The following PLEKHG2 variants were observed in gnomAD, a reference collection of about 807,000 sequenced individuals.
PLEKHG2 encodes the protein pleckstrin homology domain-containing family G member 2.
In PLEKHG2, 71 loss-of-function variants were observed where a neutral mutation model predicts 104.4. The ratio of observed to expected loss-of-function variants is 0.68; its 90% confidence interval spans 0.56 to 0.83. The LOEUF is 0.83. PLEKHG2 is among the 40% of genes least tolerant of loss of function. The pLI, the probability that PLEKHG2 is intolerant of heterozygous loss-of-function variation, is 0.00. For missense variants in PLEKHG2, 1,730 were observed against 1,809.4 expected (o/e 0.96, Z 0.80); for synonymous variants, 728 against 737.0 (o/e 0.99, Z 0.20).
intron 11 of PLEKHG2, among the ~76,000 whole-genome samples, 154 bp downstream of exon 11, chr19:39,419,157 C>A (rs2078657590): frequency 6.6e-6 from 1 of 152,218 alleles, no homozygotes; most frequent in African/African-American, 2.4e-5. Context: ...AATCTTAGCT[C>A]TACCATGTCC....
At chr19:39,421,211 GT>G in intron 15 of PLEKHG2, 71 bp from the exon 16 acceptor site, 3 of 1,612,622 alleles carry the variant, frequency 1.9e-6, no homozygotes, top group Non-Finnish European at 2.5e-6. Context: ...CAGCTCATCA[GT>G]TATGGGGGAA....
chr19:39,423,733 G>A lies in PLEKHG2; in HGVS notation c.2600G>A (p.Gly867Glu), dbSNP rs2078738578. Residue 867 changes from glycine (G) to glutamate (E), a missense_variant and splice_region_variant, in exon 19 of 19, where the codon GGG becomes GAG. Physicochemically the swap from Gly to Glu is moderately conservative, Grantham distance 98 (BLOSUM62 -2). Coordinates refer to ENST00000425673, the MANE Select transcript of PLEKHG2 (RefSeq NM_022835.3). ...GACTCGATCCTCTTTTCGCATTCAG[G>A]GCTCCTGCCTGCCTTTGGACACGTG... is the stretch of plus-strand genomic sequence containing the variant. ...PCLPQEQAEP[G>E]LLPAFGHVLV... is the part of the protein sequence containing the mutation. 6.2e-7 allele frequency: 1 copy of A among 1,607,140 alleles called. No homozygotes were observed. The highest frequency in any genetic ancestry group is 8.5e-7 in the Non-Finnish European group (1 of 1,175,414).
At position 39,414,972 on chromosome 19, in the gene PLEKHG2, C is replaced by G. The variant is rs769180422; in HGVS notation, c.110-20C>G. 6.4e-7 allele frequency: 1 copy of G among 1,571,704 alleles called. No individual in the cohort carries two copies. Among genetic ancestry groups the G allele is most frequent in the South Asian group, 1.2e-5 (1 of 86,088 alleles). ...GTGCATGGGGAGATTTCTCTGACCT[C>G]CTGTTCCACACCCCAGCAGCTCCTG... On this transcript the variant is annotated intron_variant, in intron 2 of 18. Transcript: ENST00000425673.
At chr19:39,417,752 C>A in intron 8 of PLEKHG2, 60 bp downstream of exon 8, 1 of 375,766 alleles carries the variant, frequency 2.7e-6, no homozygotes, top group Non-Finnish European at 3.9e-6. Context: ...GGCCTTGGGG[C>A]GGGTGGGGGG....
rs1198951786 is a variant in PLEKHG2 at position 39,424,211 on chromosome 19, T to A, written c.3078T>A (p.Ile1026=). Residue 1026 remains isoleucine (I), a synonymous_variant, in exon 19 of 19, where the codon ATT becomes ATA. Transcript: ENST00000425673. ...CCACTCCAGCTTTGCCCAAGGAGAT[T>A]TGTTCTGATTTCACAGTTTCAGTCA... The part of the protein sequence containing the change: ...VPTTPALPKE[I]CSDFTVSVTT... 1 of 1,614,104 alleles carries A rather than the reference T, an allele frequency of 6.2e-7. No homozygotes were observed. The highest frequency in any genetic ancestry group is 1.1e-5 in the South Asian group (1 of 91,080).
rs772237620 is a variant in PLEKHG2, at chr19:39,423,743, T to C, written c.2610T>C (p.Pro870=). The C allele has an allele frequency of 3.1e-6, 5 of 1,609,538 alleles. No homozygotes were observed. The highest frequency in any genetic ancestry group is 1.3e-5 in the African/African-American group (1 of 74,842). Reference sequence around the variant, plus strand: ...TCTTTTCGCATTCAGGGCTCCTGCCTGCCTTTGGACACGTGCTGGTATGTG... The same window carrying C: ...TCTTTTCGCATTCAGGGCTCCTGCCCGCCTTTGGACACGTGCTGGTATGTG... ...PQEQAEPGLL[P]AFGHVLVCEL... Residue 870 remains proline (P), a synonymous_variant, in exon 19 of 19, where the codon CCT becomes CCC. Transcript: ENST00000425673.
rs537426272 is a variant in PLEKHG2, at chr19:39,414,301, C to T, written c.109+106C>T. The T allele has an allele frequency of 1.3e-4, 160 of 1,198,924 alleles. 1 individual carries two copies. The South Asian group carries it at 2.2e-3, about 16-fold the overall frequency. 74.3% of individuals were successfully genotyped at this position (1,198,924 alleles called of 1,614,324 possible). ...ACCCCAGGCCAACTCGCACAAAGCT[C>T]CGAGTCTGGTGGGGAAGGCGGGCCC... is the stretch of plus-strand genomic sequence containing the variant. On this transcript the variant is annotated intron_variant, in intron 2 of 18. Coordinates refer to ENST00000425673, the MANE Select transcript of PLEKHG2 (RefSeq NM_022835.3).
Position 39,420,672 on chromosome 19 carries a change from C to G in PLEKHG2, c.1297+13C>G, listed in dbSNP as rs1283828485. 6.2e-7 allele frequency: 1 copy of G among 1,614,152 alleles called. No individual in the cohort carries two copies. Among genetic ancestry groups the G allele is most frequent in the Admixed American group, 1.7e-5 (1 of 60,012 alleles). On this transcript the variant is annotated intron_variant, in intron 12 of 18. Coordinates refer to ENST00000425673, the MANE Select transcript of PLEKHG2 (RefSeq NM_022835.3). Reference sequence around the variant, plus strand: ...AACAGCCTGCATTGTGAGTTGGGGCCTTGGGCTGGGAGGGTGTGGAAGTAG... The same window carrying G: ...AACAGCCTGCATTGTGAGTTGGGGCGTTGGGCTGGGAGGGTGTGGAAGTAG...
chr19:39,414,013 C>T (rs2078561130), intron 1 of PLEKHG2, 52 bp from the exon 2 acceptor site: 5 of 1,283,030 alleles, frequency 3.9e-6, no homozygotes, highest in South Asian at 1.4e-5. Context: ...TGAGTCTGGG[C>T]GGCGGAGAGG....
At position 39,418,995 on chromosome 19, in the gene PLEKHG2, C is replaced by G; in HGVS notation, c.1255C>G (p.Pro419Ala). ...CTTTGAGAACCACCCTGCCTCCATC[C>G]CTGCCAAGGTACAGCTCCTGCCGCA... ...LFFENHPASIPAKAKQVLLEN... is the reference protein window; with the variant it reads ...LFFENHPASIAAKAKQVLLEN... Residue 419 changes from proline (P) to alanine (A), a missense_variant, in exon 11 of 19, where the codon CCT (proline) becomes GCT (alanine). Coordinates refer to ENST00000425673, the MANE Select transcript of PLEKHG2 (RefSeq NM_022835.3). 1 of 1,611,540 alleles carries G rather than the reference C, an allele frequency of 6.2e-7. No homozygotes were observed. Among genetic ancestry groups the G allele is most frequent in the East Asian group, 2.2e-5 (1 of 44,858 alleles).
chr19:39,415,485 G>C lies in PLEKHG2; in HGVS notation c.479+46G>C, dbSNP rs369395655. The C allele has an allele frequency of 1.3e-6, 2 of 1,599,544 alleles. No homozygotes were observed. The highest frequency in any genetic ancestry group is 8.5e-7 in the Non-Finnish European group (1 of 1,169,756). On this transcript the variant is annotated intron_variant, in intron 4 of 18. Coordinates refer to ENST00000425673, the MANE Select transcript of PLEKHG2 (RefSeq NM_022835.3). This position sits in a 1 kb window ranked among gnomAD's most constrained non-coding sequence, Gnocchi z 4.6. ...GCAGGGGGCATTGATTGGTTGGAGG[G>C]TCTATTTCCTAATCCAAACCTCGGA...
Position 39,415,204 on chromosome 19 carries a change from C to A in PLEKHG2, c.322C>A (p.Arg108=). The change falls in exon 3 of 19, where the codon CGG becomes AGG. Residue 108 remains arginine (R), a synonymous_variant. Transcript: ENST00000425673. The surrounding 1 kb of genome is among the most constrained non-coding windows in gnomAD (Gnocchi z 4.6). ...ACCCTCAAGGCTGGAGCGTGTGGCCCGGGAGATCGTGGAGACAGAACGGGC... is the reference window on the plus strand; with the variant it reads ...ACCCTCAAGGCTGGAGCGTGTGGCCAGGGAGATCGTGGAGACAGAACGGGC... ...ARPSRLERVA[R]EIVETERAYV... is the part of the protein sequence containing the mutation. 6.3e-7 allele frequency: 1 copy of A among 1,585,216 alleles called. No individual in the cohort carries two copies. The highest frequency in any genetic ancestry group is 2.3e-5 in the East Asian group (1 of 43,144).
Position 39,417,533 on chromosome 19 carries a change from G to C in PLEKHG2, c.745-22G>C, listed in dbSNP as rs866389625. ...TCTCTGTTTCTCTCCCCATCCCTGCGTGCCTGGTGGCTGCCTGACAGGAAC... is the reference window on the plus strand; with the variant it reads ...TCTCTGTTTCTCTCCCCATCCCTGCCTGCCTGGTGGCTGCCTGACAGGAAC... On this transcript the variant is annotated intron_variant, in intron 7 of 18. Transcript: ENST00000425673. The C allele has an allele frequency of 5.6e-6, 9 of 1,612,124 alleles. No individual in the cohort carries two copies. The African/African-American group carries it at 8.0e-5, about 14-fold the overall frequency.
rs1438873839 is a variant in PLEKHG2, at chr19:39,427,278, C to T, written c.*1984C>T. Reference sequence around the variant, plus strand: ...TCCTGACCTCGTGATCCTCCCGCCTCGGCCTCCCAAAGTGCTGGCATTACA... The same window carrying T: ...TCCTGACCTCGTGATCCTCCCGCCTTGGCCTCCCAAAGTGCTGGCATTACA... On this transcript the variant is annotated 3_prime_UTR_variant, in exon 19 of 19. Coordinates refer to ENST00000425673, the MANE Select transcript of PLEKHG2 (RefSeq NM_022835.3). 2 of 151,672 alleles carry T rather than the reference C, an allele frequency of 1.3e-5. No individual in the cohort carries two copies. The highest frequency in any genetic ancestry group is 2.9e-5 in the Non-Finnish European group (2 of 68,002). 9.4% of individuals were successfully genotyped at this position (151,672 alleles called of 1,614,324 possible). A position where few individuals can be genotyped will look rare whatever the true frequency, so the allele number is the denominator to read the frequency against.
At position 39,415,083 on chromosome 19, in the gene PLEKHG2, G is replaced by A. The variant is rs760850487; in HGVS notation, c.201G>A (p.Gly67=). Residue 67 remains glycine, a synonymous_variant, in exon 3 of 19, where the codon GGG becomes GGA. Coordinates refer to ENST00000425673, the MANE Select transcript of PLEKHG2 (RefSeq NM_022835.3). This position sits in a 1 kb window ranked among gnomAD's most constrained non-coding sequence, Gnocchi z 4.6. The stretch of plus-strand genomic sequence containing the variant: ...GCTCTGAGGGGGATCCAGCCCCTGG[G>A]CCCACTCCAGCCTGCTCAGCCTCCA... ...TVGSEGDPAP[G]PTPACSASRP... 2 of 1,590,376 alleles carry A rather than the reference G, an allele frequency of 1.3e-6. No homozygotes were observed. Among genetic ancestry groups the A allele is most frequent in the African/African-American group, 1.3e-5 (1 of 74,164 alleles).
In PLEKHG2 at chr19:39,413,483, C is replaced by A. The variant is rs1353079501; in HGVS notation, c.-23+71C>A. The A allele has an allele frequency of 7.0e-6, 1 of 141,930 alleles. No homozygotes were observed. The highest frequency in any genetic ancestry group is 2.6e-5 in the African/African-American group (1 of 37,736). 8.8% of individuals were successfully genotyped at this position (141,930 alleles called of 1,614,324 possible). ...GCGCCACTGCTGAACAATGAGGGGG[C>A]GTGCCGGCGGGGGGCGAGCCGAGGC... On this transcript the variant is annotated intron_variant, in intron 1 of 18. Coordinates refer to ENST00000425673, the MANE Select transcript of PLEKHG2 (RefSeq NM_022835.3). This position sits in a 1 kb window ranked among gnomAD's most constrained non-coding sequence, Gnocchi z 4.5.
chr19:39,423,010 A>C lies in PLEKHG2; in HGVS notation c.1956A>C (p.Glu652Asp). The change falls in exon 18 of 19, where the codon GAA becomes GAC. Residue 652 changes from glutamate to aspartate, a missense_variant. Physicochemically the swap from Glu to Asp is conservative, Grantham distance 45. Coordinates refer to ENST00000425673, the MANE Select transcript of PLEKHG2 (RefSeq NM_022835.3). ...TTCCCAGCCGCTGTGAAATTCCCGAAGGTTCTCGCCTTCCTAGTCTCTCTG... is the reference window on the plus strand; with the variant it reads ...TTCCCAGCCGCTGTGAAATTCCCGACGGTTCTCGCCTTCCTAGTCTCTCTG... The part of the protein sequence containing the change: ...PEIPSRCEIP[E>D]GSRLPSLSDI... The C allele has an allele frequency of 6.2e-7, 1 of 1,614,148 alleles. No homozygotes were observed. The highest frequency in any genetic ancestry group is 8.5e-7 in the Non-Finnish European group (1 of 1,180,022).
chr19:39,421,497 GCAAC>G (rs1398101145), intron 16 of PLEKHG2, among the ~76,000 whole-genome samples, 198 bp downstream of exon 16: 41 of 152,126 alleles, frequency 2.7e-4, no homozygotes, highest in African/African-American at 9.9e-4. Context: ...ACCAGTCTGG[GCAAC>G]ATGGCAAAAC....
Position 39,425,215 on chromosome 19 carries a change from C to CT in PLEKHG2, c.4083dup (p.Ala1362CysfsTer20). 4.3e-6 allele frequency: 7 copies of CT among 1,613,332 alleles called. No individual in the cohort carries two copies. The highest frequency in any genetic ancestry group is 5.1e-6 in the Non-Finnish European group (6 of 1,179,964). ...AAGGCCCAGGTCCGGTTGAACCACC[C>CT]TGCTCTCTTGGCCTCCACACAGGAA... On this transcript the variant is annotated frameshift_variant, in exon 19 of 19. Coordinates refer to ENST00000425673, the MANE Select transcript of PLEKHG2 (RefSeq NM_022835.3). LOFTEE classifies it high-confidence loss of function.
Sources: allele counts gnomAD v4.1 joint callset (sites outside exome capture counted in the v4.1 genomes callset), GRCh38; gene constraint gnomAD v4.1.1; non-coding constraint Gnocchi (gnomAD v3.1); transcripts MANE v1.5; gene names NCBI Gene and HGNC (gene_info 2026-07-23, HGNC 2026-07-21).